The following CSMD1 variants were observed in gnomAD, a reference collection of about 807,000 sequenced individuals.
CSMD1 encodes CUB and Sushi multiple domains 1, also known as CUB and sushi domain-containing protein 1.
In CSMD1, 213 loss-of-function variants were observed where a neutral mutation model predicts 417.5. The observed-to-expected ratio is 0.51, with a 90% CI of 0.46 to 0.57. The LOEUF is 0.57. CSMD1 is among the 20% of genes least tolerant of loss of function. CSMD1 has a pLI of 0.00. For synonymous variants in CSMD1, 2,862 were observed against 1,736.8 expected (o/e 1.65, Z -16.11); for missense variants, 6,923 against 4,529.7 (o/e 1.53, Z -15.17).
chr8:4,158,812 G>C (rs148378565), intron 3 of CSMD1, among the ~76,000 whole-genome samples: 1 of 152,160 alleles, frequency 6.6e-6, no homozygotes, highest in South Asian at 2.1e-4. Flanking sequence ...TTTATCATAT[G>C]GGATGATGTA....
intron 3 of CSMD1, among the ~76,000 whole-genome samples, chr8:4,066,291 T>A (rs777078281): frequency 1.3e-5 from 2 of 152,190 alleles, no homozygotes; most frequent in East Asian, 3.9e-4. Flanking sequence ...CTGTACGACC[T>A]TAACCGTTTA....
At chr8:4,404,932 G>A (rs186599503) in intron 3 of CSMD1, among the ~76,000 whole-genome samples, 177 of 152,222 alleles carry the variant, frequency 1.2e-3, no homozygotes, top group Non-Finnish European at 2.2e-3. Context: ...TCAGTCATCC[G>A]ATATGATTAT....
At chr8:4,705,856 A>G (rs1055506076) in intron 1 of CSMD1, among the ~76,000 whole-genome samples, 5 of 152,172 alleles carry the variant, frequency 3.3e-5, no homozygotes, top group African/African-American at 7.2e-5. Context: ...TCCTGGGGGC[A>G]CTTTAAAATA....
At chr8:3,163,522 C>A (rs1399695307) in intron 37 of CSMD1, among the ~76,000 whole-genome samples, 2 of 152,046 alleles carry the variant, frequency 1.3e-5, no homozygotes, top group African/African-American at 4.8e-5. Flanking sequence ...TGGGCCGGTC[C>A]CCACGCGGGG....
At chr8:3,469,349 T>C (rs774162311) in intron 11 of CSMD1, 1 of 152,288 alleles carries the variant, frequency 6.6e-6, no homozygotes, top group Non-Finnish European at 1.5e-5. Context: ...AAATATATTA[T>C]AGGTAATTAT....
chr8:3,396,046 T>C (rs1021962768), intron 17 of CSMD1, 148 bp downstream of exon 17: 3 of 641,742 alleles, frequency 4.7e-6, no homozygotes, highest in Admixed American at 3.2e-5. Flanking sequence ...TAACAGAAAG[T>C]TCTTACAATT....
intron 3 of CSMD1, among the ~76,000 whole-genome samples, chr8:4,140,022 T>C (rs1217502006): frequency 1.3e-5 from 2 of 150,810 alleles, no homozygotes; most frequent in Non-Finnish European, 2.9e-5. Flanking sequence ...CTGACCTCAA[T>C]TTGCCTGGAA....
At chr8:4,768,538 G>A (rs1247355990) in intron 1 of CSMD1, among the ~76,000 whole-genome samples, 1 of 152,194 alleles carries the variant, frequency 6.6e-6, no homozygotes, top group African/African-American at 2.4e-5. Flanking sequence ...GTAATCATTT[G>A]TTTGAGCCTC....
At chr8:3,194,330 C>T (rs1459442227) in intron 33 of CSMD1, among the ~76,000 whole-genome samples, 1 of 152,060 alleles carries the variant, frequency 6.6e-6, no homozygotes, top group African/African-American at 2.4e-5. Flanking sequence ...TCTTAATGTA[C>T]ATCTTTCCTA....
chr8:4,627,022 A>G lies in CSMD1; in HGVS notation c.302+10320T>C, dbSNP rs551532947. Among the ~76,000 whole-genome samples, 7 of 152,296 alleles carry G rather than the reference A, an allele frequency of 4.6e-5. No individual in the cohort carries two copies. The South Asian group carries it at 1.4e-3, about 32-fold the overall frequency. On this transcript the variant is annotated intron_variant, in intron 2 of 69. Coordinates refer to ENST00000635120, the MANE Select transcript of CSMD1 (RefSeq NM_033225.6). ...GTAATTGCTTCATACTCTAAGTAAT[A>G]TTATATTCCTTTTTTAAATTTTGGG...
At chr8:4,988,112 T>C (rs899093539) in intron 1 of CSMD1, among the ~76,000 whole-genome samples, 1 of 152,208 alleles carries the variant, frequency 6.6e-6, no homozygotes, top group African/African-American at 2.4e-5. Flanking sequence ...TGAAAAAAAC[T>C]GGGAAGAGAC....
At chr8:4,421,366 C>T (rs978725298) in intron 2 of CSMD1, among the ~76,000 whole-genome samples, 1 of 152,122 alleles carries the variant, frequency 6.6e-6, no homozygotes, top group Non-Finnish European at 1.5e-5. Flanking sequence ...CTTTACCCAG[C>T]AAGAACAGAG....
intron 21 of CSMD1, among the ~76,000 whole-genome samples, chr8:3,358,339 G>A (rs745652506): frequency 2.1e-4 from 32 of 152,308 alleles, no homozygotes; most frequent in South Asian, 1.2e-3. Context: ...CAATTTGTAA[G>A]ACCCAGAATA....
intron 23 of CSMD1, among the ~76,000 whole-genome samples, chr8:3,332,353 G>A (rs1046675335): frequency 1.4e-4 from 21 of 152,232 alleles, no homozygotes; most frequent in African/African-American, 5.1e-4. Flanking sequence ...CTGAGGGCTT[G>A]CCCGCTCCTC....
At chr8:4,807,391 G>A (rs1226175837) in intron 1 of CSMD1, among the ~76,000 whole-genome samples, 2 of 152,116 alleles carry the variant, frequency 1.3e-5, no homozygotes, top group Non-Finnish European at 2.9e-5. Flanking sequence ...ACTGCCGGGT[G>A]GGAAACGTGC....
chr8:4,007,366 A>G (rs1207224555), intron 4 of CSMD1, among the ~76,000 whole-genome samples: 1 of 152,164 alleles, frequency 6.6e-6, no homozygotes, highest in Non-Finnish European at 1.5e-5. Context: ...CACTGGGTCT[A>G]GCCACACTGC....
intron 41 of CSMD1, among the ~76,000 whole-genome samples, chr8:3,125,861 C>T (rs542196760): frequency 1.3e-5 from 2 of 152,234 alleles, no homozygotes; most frequent in South Asian, 4.2e-4. Flanking sequence ...CCTGTAACCC[C>T]AGCTACTCGG....
At chr8:4,063,472 C>G (rs28445731) in intron 3 of CSMD1, among the ~76,000 whole-genome samples, 91,348 of 152,074 alleles carry the variant, frequency 0.6, 28,189 homozygotes, top group Non-Finnish European at 0.64. Flanking sequence ...TATACCATGT[C>G]TTATATGCGT....
chr8:4,335,728 C>T (rs1184057393), intron 3 of CSMD1, among the ~76,000 whole-genome samples: 1 of 151,966 alleles, frequency 6.6e-6, no homozygotes, highest in Non-Finnish European at 1.5e-5. Flanking sequence ...AAATAGTGTA[C>T]CTTAATAGGG....
Sources: gnomAD v4.1 joint callset for allele counts (sites outside exome capture counted in the v4.1 genomes callset) on GRCh38, gnomAD v4.1.1 for gene constraint, MANE v1.5 for transcripts, NCBI Gene and HGNC (gene_info 2026-07-23, HGNC 2026-07-21) for gene names.